Variants in LTK observed in about 807,000 individuals in gnomAD.
LTK encodes leukocyte receptor tyrosine kinase, also known as leukocyte tyrosine kinase receptor.
In LTK, 117 loss-of-function variants were observed where a neutral mutation model predicts 101.5. The observed-to-expected ratio is 1.15, with a 90% CI of 0.99 to 1.34. LTK has a LOEUF of 1.34. Among genes scored for constraint, LTK ranks in the 40% most tolerant of loss-of-function variants. LTK has a pLI of 0.00. For missense variants in LTK, 1,252 were observed against 1,164.7 expected, an observed-to-expected ratio of 1.07 and a Z score of -1.09; for synonymous variants, 563 against 494.2, an observed-to-expected ratio of 1.14 and a Z score of -1.85.
rs2051221621 is a variant in LTK, at chr15:41,505,118, C to T, written c.1926-54G>A. On this transcript the variant is annotated intron_variant, in intron 15 of 19. Coordinates refer to ENST00000263800, the MANE Select transcript of LTK (RefSeq NM_002344.6). ...CAGAATCTAGAAGTTCTTGCTCTTC[C>T]TGATCTATTTCCTTAAAAGCTGTGT... The T allele has an allele frequency of 3.8e-6, 6 of 1,585,078 alleles. No individual in the cohort carries two copies. In the East Asian group the frequency reaches 9.0e-5, roughly 24 times the overall value.
chr15:41,505,877 G>A lies in LTK; in HGVS notation c.1632+38C>T, dbSNP rs201965431. On this transcript the variant is annotated intron_variant, in intron 12 of 19. Transcript: ENST00000263800. ...ATTGTCCTTCCCTTCAGGGTGTTCC[G>A]CTCTCCTACCCCCAGCCAGAAGTCC... 420 of 1,599,472 alleles carry A rather than the reference G, an allele frequency of 2.6e-4. 3 individuals are homozygous for A. The highest frequency in any genetic ancestry group is 2.1e-3 in the South Asian group (192 of 90,332).
chr15:41,513,118 C>A lies in LTK; in HGVS notation c.46G>T (p.Ala16Ser), dbSNP rs1468527355. 2 of 1,598,304 alleles carry A rather than the reference C, an allele frequency of 1.3e-6. No homozygotes were observed. Among genetic ancestry groups the A allele is most frequent in the East Asian group, 2.3e-5 (1 of 44,246 alleles). Reference sequence around the variant, plus strand: ...GACCCCGGGCTAGAGCAGAGAATGGCGCCTGAAAGGTGTTGGGAGAAGGCG... The same window carrying A: ...GACCCCGGGCTAGAGCAGAGAATGGAGCCTGAAAGGTGTTGGGAGAAGGCG... Reference protein sequence around the residue: ...QLLVWFGAAGAILCSSPGSQE... With the variant: ...QLLVWFGAAGSILCSSPGSQE... Residue 16 changes from alanine (A) to serine (S), a missense_variant and splice_region_variant, in exon 2 of 20, where the codon GCC becomes TCC. Physicochemically the swap from Ala to Ser is moderately conservative, Grantham distance 99. Coordinates refer to ENST00000263800, the MANE Select transcript of LTK (RefSeq NM_002344.6).
At chr15:41,512,055 C>T (rs1341510145) in intron 4 of LTK, 60 bp downstream of exon 4, 10 of 1,505,964 alleles carry the variant, frequency 6.6e-6, no homozygotes, top group South Asian at 2.5e-5. Flanking sequence ...GCTCCCCCGG[C>T]CCCCAGGCAG....
rs771217185 is a variant in LTK, at chr15:41,512,224, T to G, written c.401A>C (p.Asn134Thr). The change falls in exon 4 of 20, where the codon AAC (asparagine) becomes ACC (threonine). Residue 134 changes from asparagine to threonine, a missense_variant. Transcript: ENST00000263800. ...YGAAGGKGAK[N>T]HLSRAHGVFV... ...GACGCCATGCGCCCGCGACAGGTGG[T>G]TCTTGGCGCCTTTGCCGCCCGCGGC... 6 of 1,610,736 alleles carry G rather than the reference T, an allele frequency of 3.7e-6. No homozygotes were observed. The South Asian group carries it at 6.6e-5, about 18-fold the overall frequency.
chr15:41,509,724 T>A (rs888883443), intron 7 of LTK, among the ~76,000 whole-genome samples: 1 of 151,872 alleles, frequency 6.6e-6, no homozygotes, highest in African/African-American at 2.4e-5. Flanking sequence ...CCGGGCATGG[T>A]GGCGCATGCC....
rs1392324318 is a variant in LTK at position 41,504,837 on chromosome 15, G to A, written c.2056C>T (p.Pro686Ser). The A allele has an allele frequency of 4.3e-6, 7 of 1,613,388 alleles. No homozygotes were observed. Among genetic ancestry groups the A allele is most frequent in the Non-Finnish European group, 5.9e-6 (7 of 1,179,884 alleles). The change falls in exon 17 of 20, where the codon CCA becomes TCA. Residue 686 changes from proline to serine, a missense_variant. Coordinates refer to ENST00000263800, the MANE Select transcript of LTK (RefSeq NM_002344.6). Reference protein sequence around the residue: ...YYRRGDRALLPVKWMPPEAFL... With the variant: ...YYRRGDRALLSVKWMPPEAFL... ...GCCTCTGGGGGCATCCACTTGACTG[G>A]GAGCAAGGCCCGGTCCCCCCTGCGG...
At position 41,504,110 on chromosome 15, in the gene LTK, C is replaced by T. The variant is rs930767003; in HGVS notation, c.2481G>A (p.Lys827=). Residue 827 remains lysine (K), a synonymous_variant, in exon 20 of 20, where the codon AAG becomes AAA. Transcript: ENST00000263800. ...PPQPQELSPE[K]LKSWGGSPLG... Reference sequence around the variant, plus strand: ...GAGGGCTACCTCCCCAGCTTTTCAACTTCTCTGGACTCAGTTCCTGGGGCT... The same window carrying T: ...GAGGGCTACCTCCCCAGCTTTTCAATTTCTCTGGACTCAGTTCCTGGGGCT... 2 of 1,614,120 alleles carry T rather than the reference C, an allele frequency of 1.2e-6. No homozygotes were observed. The highest frequency in any genetic ancestry group is 1.1e-5 in the South Asian group (1 of 91,088).
chr15:41,509,635 C>T (rs575735142), intron 7 of LTK, among the ~76,000 whole-genome samples: 3 of 152,142 alleles, frequency 2.0e-5, no homozygotes, highest in East Asian at 1.9e-4. Context: ...CCGACATGGG[C>T]GGATTACGAG....
At position 41,512,868 on chromosome 15, in the gene LTK, C is replaced by T; in HGVS notation, c.198G>A (p.Gly66=). 1.9e-6 allele frequency: 3 copies of T among 1,610,630 alleles called. No individual in the cohort carries two copies. Among genetic ancestry groups the T allele is most frequent in the East Asian group, 2.2e-5 (1 of 44,800 alleles). The change falls in exon 3 of 20, where the codon GGG becomes GGA. Residue 66 remains glycine, a synonymous_variant. Coordinates refer to ENST00000263800, the MANE Select transcript of LTK (RefSeq NM_002344.6). The stretch of plus-strand genomic sequence containing the variant: ...CCCCGCAGGTAGAAAACAGCCAAGA[C>T]CCCTCGGTGCCTGAGAGCAAGGAGC... The part of the protein sequence containing the change: ...ASPLNSPGTE[G]SWLFSTCGAS...
At chr15:41,505,372 G>A (rs771861858) in intron 14 of LTK, 29 bp downstream of exon 14, 9 of 1,590,784 alleles carry the variant, frequency 5.7e-6, no homozygotes, top group East Asian at 2.4e-5. Context: ...CTTTAGAGGG[G>A]CCTGGGGGGG....
Position 41,511,198 on chromosome 15 carries a change from G to A in LTK, c.963C>T (p.Ala321=). The part of the protein sequence containing the change: ...AAGGFGGGGG[A]CTAGGGGGGY... Reference sequence around the variant, plus strand: ...CGCCGCCGCCTCCGCCCGCAGTGCAGGCCCCGCCGCCGCCCCCGAAGCCGC... The same window carrying A: ...CGCCGCCGCCTCCGCCCGCAGTGCAAGCCCCGCCGCCGCCCCCGAAGCCGC... Residue 321 remains alanine, a synonymous_variant, in exon 7 of 20, where the codon GCC becomes GCT. Coordinates refer to ENST00000263800, the MANE Select transcript of LTK (RefSeq NM_002344.6). The surrounding 1 kb of genome is among the most constrained non-coding windows in gnomAD (Gnocchi z 5.9). 7.1e-7 allele frequency: 1 copy of A among 1,399,856 alleles called. No homozygotes were observed. Among genetic ancestry groups the A allele is most frequent in the East Asian group, 3.0e-5 (1 of 32,900 alleles). 86.7% of individuals were successfully genotyped at this position (1,399,856 alleles called of 1,614,324 possible). A position where few individuals can be genotyped will look rare whatever the true frequency, so the allele number is the denominator to read the frequency against.
chr15:41,510,741 G>A (rs966874287), intron 7 of LTK, among the ~76,000 whole-genome samples: 15 of 152,206 alleles, frequency 9.9e-5, no homozygotes, highest in Non-Finnish European at 2.1e-4. Context: ...AATTACAGGC[G>A]TGAGCCACCA....
rs1317386916 is a variant in LTK at position 41,511,358 on chromosome 15, C to T, written c.815-12G>A. The stretch of plus-strand genomic sequence containing the variant: ...GCCGCCCCCACCACCTGCAGAGCGA[C>T]AGCAGGAAGGTTGGCAGCCACACGG... On this transcript the variant is annotated splice_polypyrimidine_tract_variant and intron_variant, in intron 6 of 19. Transcript: ENST00000263800. This position sits in a 1 kb window ranked among gnomAD's most constrained non-coding sequence, Gnocchi z 5.9. The T allele has an allele frequency of 2.2e-6, 3 of 1,360,108 alleles. No homozygotes were observed. The highest frequency in any genetic ancestry group is 6.2e-5 in the East Asian group (2 of 32,342). The allele number at this position is 1,360,108 out of a possible 1,614,324, so 84.3% of individuals were successfully genotyped here. A position where few individuals can be genotyped will look rare whatever the true frequency, so the allele number is the denominator to read the frequency against.
intron 11 of LTK, 110 bp from the exon 12 acceptor site, chr15:41,506,115 TATATAGACTCTCTCC>T (rs1163811854): frequency 2.2e-5 from 15 of 688,270 alleles, no homozygotes; most frequent in Non-Finnish European, 3.9e-5. Context: ...CAGCTGACCC[TATATAGACTCTCTCC>T]ATACCATGGC....
In LTK at chr15:41,511,381, C is replaced by T; in HGVS notation, c.815-35G>A. Reference sequence around the variant, plus strand: ...GACAGCAGGAAGGTTGGCAGCCACACGGGGAGCACGCCCGCCTCTCCCCGC... The same window carrying T: ...GACAGCAGGAAGGTTGGCAGCCACATGGGGAGCACGCCCGCCTCTCCCCGC... On this transcript the variant is annotated intron_variant, in intron 6 of 19. Coordinates refer to ENST00000263800, the MANE Select transcript of LTK (RefSeq NM_002344.6). The surrounding 1 kb of genome is among the most constrained non-coding windows in gnomAD (Gnocchi z 5.9). 2 of 1,365,460 alleles carry T rather than the reference C, an allele frequency of 1.5e-6. No homozygotes were observed. Among genetic ancestry groups the T allele is most frequent in the East Asian group, 3.1e-5 (1 of 32,414 alleles). 84.6% of individuals were successfully genotyped at this position (1,365,460 alleles called of 1,614,324 possible).
At position 41,504,845 on chromosome 15, in the gene LTK, G is replaced by T; in HGVS notation, c.2048C>A (p.Ala683Asp). The T allele has an allele frequency of 6.2e-7, 1 of 1,613,274 alleles. No homozygotes were observed. Among genetic ancestry groups the T allele is most frequent in the South Asian group, 1.1e-5 (1 of 90,810 alleles). ...GGGCATCCACTTGACTGGGAGCAAG[G>T]CCCGGTCCCCCCTGCGGTAATAACT... ...RASYYRRGDR[A>D]LLPVKWMPPE... is the part of the protein sequence containing the mutation. The change falls in exon 17 of 20, where the codon GCC (alanine) becomes GAC (aspartate). Residue 683 changes from alanine (A) to aspartate (D), a missense_variant. Transcript: ENST00000263800.
Position 41,511,693 on chromosome 15 carries a change from CCCAGG to C in LTK, c.657+119_658-116del. ...ATAAGGGCAGGGGCCCCCAGCCCAGCCCAGGCCAGCCCAGCCCAGCGCAGGGATAG... is the reference window on the plus strand; with the variant it reads ...ATAAGGGCAGGGGCCCCCAGCCCAGCCCAGCCCAGCCCAGCGCAGGGATAG... On this transcript the variant is annotated intron_variant, in intron 5 of 19. Transcript: ENST00000263800. This position sits in a 1 kb window ranked among gnomAD's most constrained non-coding sequence, Gnocchi z 5.9. 1.4e-6 allele frequency: 2 copies of C among 1,397,090 alleles called. No individual in the cohort carries two copies. The highest frequency in any genetic ancestry group is 1.9e-6 in the Non-Finnish European group (2 of 1,076,396). The allele number at this position is 1,397,090 out of a possible 1,614,324, so 86.5% of individuals were successfully genotyped here. A position where few individuals can be genotyped will look rare whatever the true frequency, so the allele number is the denominator to read the frequency against.
chr15:41,505,664 C>G (rs1351395842), intron 13 of LTK, 49 bp downstream of exon 13: 2 of 1,609,736 alleles, frequency 1.2e-6, no homozygotes, highest in East Asian at 4.5e-5. Context: ...AAACTGTTCC[C>G]GGGCATTCCC....
In LTK at chr15:41,503,963, G is replaced by A. The variant is rs2051158373; in HGVS notation, c.*33C>T. 6.4e-7 allele frequency: 1 copy of A among 1,551,260 alleles called. No individual in the cohort carries two copies. The highest frequency in any genetic ancestry group is 2.3e-5 in the East Asian group (1 of 44,412). On this transcript the variant is annotated 3_prime_UTR_variant, in exon 20 of 20. Transcript: ENST00000263800. ...AGGAGTATAGGGAGGGACCCTCAGTGCCTCAGTCCTTACCCTCAGGGCCCC... is the reference window on the plus strand; with the variant it reads ...AGGAGTATAGGGAGGGACCCTCAGTACCTCAGTCCTTACCCTCAGGGCCCC...
Sources: gnomAD v4.1 joint callset for allele counts (sites outside exome capture counted in the v4.1 genomes callset) on GRCh38, gnomAD v4.1.1 for gene constraint, Gnocchi (gnomAD v3.1) non-coding constraint, MANE v1.5 for transcripts, NCBI Gene and HGNC (gene_info 2026-07-23, HGNC 2026-07-21) for gene names.